FGD4: variants seen among roughly 807,000 people sequenced by gnomAD.
The protein encoded by FGD4 is FYVE, RhoGEF and PH domain-containing protein 4.
FGD4 carries 42 observed loss-of-function variants against 102.0 expected under a neutral mutation model. That is an observed-to-expected ratio of 0.41 (90% CI 0.32 to 0.53). The LOEUF is 0.53. Among genes scored for constraint, FGD4 ranks in the 20% least tolerant of loss-of-function variants. The probability of loss-of-function intolerance (pLI) is 0.21; values close to 1 mark genes in which losing one functional copy is unlikely to be tolerated. For missense variants in FGD4, 902 were observed against 1,078.2 expected (o/e 0.84, Z 2.29); for synonymous variants, 380 against 375.7 (o/e 1.01, Z -0.13).
intron 13 of FGD4, 78 bp downstream of exon 13, chr12:32,625,146 C>G: frequency 1.6e-6 from 2 of 1,255,178 alleles, no homozygotes; most frequent in South Asian, 1.2e-5. Flanking sequence ...TCATTTTGTT[C>G]TCCAACCTTT....
Position 32,546,983 on chromosome 12 carries a change from G to A in FGD4, c.167-17154G>A, listed in dbSNP as rs1943275326. Among the ~76,000 whole-genome samples, 5 of 152,178 alleles carry A rather than the reference G, an allele frequency of 3.3e-5. No individual in the cohort carries two copies. In the South Asian group the frequency reaches 1.0e-3, roughly 32 times the overall value. ...TAAATTGATTTGTTTGATGCCCTGGGTATTTTGAAGCTCCTAGCTGCATAA... is the reference window on the plus strand; with the variant it reads ...TAAATTGATTTGTTTGATGCCCTGGATATTTTGAAGCTCCTAGCTGCATAA... On this transcript the variant is annotated intron_variant, in intron 1 of 16. Transcript: ENST00000534526.
intron 2 of FGD4, among the ~76,000 whole-genome samples, chr12:32,573,355 A>G (rs1301538683): frequency 6.6e-6 from 1 of 152,192 alleles, no homozygotes; most frequent in African/African-American, 2.4e-5. Context: ...TTGGCCTCCC[A>G]AAGTGCTGGG....
intron 1 of FGD4, among the ~76,000 whole-genome samples, chr12:32,550,486 A>C (rs1388477598): frequency 6.6e-6 from 1 of 151,968 alleles, no homozygotes; most frequent in Non-Finnish European, 1.5e-5. Flanking sequence ...CCTGGGCAAA[A>C]TAGTGGGACC....
chr12:32,588,132 GA>G (rs747183245), intron 4 of FGD4, among the ~76,000 whole-genome samples: 14 of 152,224 alleles, frequency 9.2e-5, no homozygotes, highest in East Asian at 5.8e-4. Context: ...AAGCTTTAAG[GA>G]AAAAAGCATG....
At chr12:32,603,747 G>C (rs566291097) in intron 7 of FGD4, among the ~76,000 whole-genome samples, 1 of 151,794 alleles carries the variant, frequency 6.6e-6, no homozygotes, top group Non-Finnish European at 1.5e-5. Context: ...TTGTCACCCA[G>C]GCTAGAGTGC....
intron 1 of FGD4, among the ~76,000 whole-genome samples, chr12:32,498,654 A>G (rs1485652775): frequency 1.3e-5 from 2 of 152,038 alleles, no homozygotes; most frequent in Non-Finnish European, 2.9e-5. Flanking sequence ...CCCAGGCTGG[A>G]GTGCAGTGAT....
At chr12:32,417,955 C>CT (rs55826183) in intron 1 of FGD4, among the ~76,000 whole-genome samples, 545 of 105,162 alleles carry the variant, frequency 5.2e-3, no homozygotes, top group East Asian at 0.017. Flanking sequence ...TGTCTTAGTT[C>CT]TTTTTTTTTT....
intron 1 of FGD4, among the ~76,000 whole-genome samples, chr12:32,437,058 G>A (rs919887819): frequency 3.4e-5 from 5 of 148,616 alleles, no homozygotes; most frequent in African/African-American, 4.9e-5. Flanking sequence ...GCAGTGAGCC[G>A]AGATTGCACC....
chr12:32,474,299 A>G (rs1019939644), intron 1 of FGD4, among the ~76,000 whole-genome samples: 1 of 152,324 alleles, frequency 6.6e-6, no homozygotes, highest in East Asian at 1.9e-4. Context: ...AACCTTGTAC[A>G]TGAATGTTTA....
intron 1 of FGD4, among the ~76,000 whole-genome samples, chr12:32,530,941 G>GGTTTTTTTTT (rs1941730134): frequency 2.8e-5 from 2 of 70,478 alleles, no homozygotes; most frequent in South Asian, 5.7e-4. Context: ...CCTAGCTTTG[G>GGTTTTTTTTT]TTTTTTTTTT....
intron 1 of FGD4, among the ~76,000 whole-genome samples, chr12:32,537,199 C>T (rs539053637): frequency 9.8e-5 from 15 of 152,286 alleles, no homozygotes; most frequent in Middle Eastern, 6.8e-3. Context: ...TGAGCCACCA[C>T]GCCTGGCCAT....
In FGD4 at chr12:32,601,220, A is replaced by G. The variant is rs1035777636; in HGVS notation, c.1102-58A>G. 9.2e-6 allele frequency: 14 copies of G among 1,527,834 alleles called. No individual in the cohort carries two copies. In the East Asian group the frequency reaches 3.2e-4, roughly 35 times the overall value. The allele number at this position is 1,527,834 out of a possible 1,614,324, so 94.6% of individuals were successfully genotyped here. A position where few individuals can be genotyped will look rare whatever the true frequency, so the allele number is the denominator to read the frequency against. ...TAAGAGCCCACTATGTGCCTAGCAC[A>G]GTGCTAGGTGGTTAACCAATAAATG... On this transcript the variant is annotated intron_variant, in intron 5 of 16. Coordinates refer to ENST00000534526, the MANE Select transcript of FGD4 (RefSeq NM_001370298.3).
chr12:32,450,553 C>T (rs1942746451), intron 1 of FGD4, among the ~76,000 whole-genome samples: 1 of 152,146 alleles, frequency 6.6e-6, no homozygotes, highest in South Asian at 2.1e-4. Context: ...TCTTGTTCTT[C>T]CCTACCCTGT....
At chr12:32,443,282 T>C (rs1051043824) in intron 1 of FGD4, among the ~76,000 whole-genome samples, 1 of 152,218 alleles carries the variant, frequency 6.6e-6, no homozygotes. Context: ...TCCAGCTACT[T>C]GAGAAGATTA....
Position 32,625,277 on chromosome 12 carries a change from T to A in FGD4, c.2046+209T>A, listed in dbSNP as rs1185789871. On this transcript the variant is annotated intron_variant, in intron 13 of 16. Coordinates refer to ENST00000534526, the MANE Select transcript of FGD4 (RefSeq NM_001370298.3). ...TTTGAATTTTTCTTATTCTTTTTTT[T>A]TTTTTTTTTTTTAACAGAGTCTTGC... Among the ~76,000 whole-genome samples, 21 of 142,528 alleles carry A rather than the reference T, an allele frequency of 1.5e-4. No individual in the cohort carries two copies. In the South Asian group the frequency reaches 4.7e-3, roughly 32 times the overall value. The allele number at this position is 142,528 out of a possible 152,430, so 93.5% of individuals were successfully genotyped here. A position where few individuals can be genotyped will look rare whatever the true frequency, so the allele number is the denominator to read the frequency against.
At chr12:32,409,591 C>T (rs141552814) in intron 1 of FGD4, among the ~76,000 whole-genome samples, 13 of 152,212 alleles carry the variant, frequency 8.5e-5, no homozygotes, top group Non-Finnish European at 1.8e-4. Flanking sequence ...CCAGCCTCCC[C>T]CCAGTAATTT....
At chr12:32,528,227 G>A (rs577459764) in intron 1 of FGD4, among the ~76,000 whole-genome samples, 3 of 152,232 alleles carry the variant, frequency 2.0e-5, no homozygotes, top group Middle Eastern at 3.4e-3. Flanking sequence ...GTGAGCCACC[G>A]CACTGGGCTA....
intron 1 of FGD4, among the ~76,000 whole-genome samples, chr12:32,430,160 T>A (rs1941999974): frequency 6.6e-6 from 1 of 151,896 alleles, no homozygotes. Context: ...ATACAAAAAT[T>A]AGCCGGGTGT....
chr12:32,461,031 G>T (rs79121581), intron 1 of FGD4, among the ~76,000 whole-genome samples: 5,783 of 152,258 alleles, frequency 0.038, 169 homozygotes, highest in South Asian at 0.12. Context: ...GGATGTATTT[G>T]TACTAACCCT....
Sources: allele counts gnomAD v4.1 joint callset (sites outside exome capture counted in the v4.1 genomes callset), GRCh38; gene constraint gnomAD v4.1.1; transcripts MANE v1.5; gene names NCBI Gene and HGNC (gene_info 2026-07-23, HGNC 2026-07-21).